LIFR: variants seen among roughly 807,000 people sequenced by gnomAD.
LIFR encodes the protein leukemia inhibitory factor receptor.
LIFR carries 84 observed loss-of-function variants against 122.2 expected under a neutral mutation model. The ratio of observed to expected loss-of-function variants is 0.69; its 90% confidence interval spans 0.58 to 0.82. LIFR has a LOEUF of 0.82. Among genes scored for constraint, LIFR ranks in the 40% least tolerant of loss-of-function variants. The pLI, the probability that LIFR is intolerant of heterozygous loss-of-function variation, is 0.00. For missense variants in LIFR, 1,294 were observed against 1,311.6 expected (o/e 0.99, Z 0.21); for synonymous variants, 422 against 434.7 (o/e 0.97, Z 0.36).
rs141550940 is a variant in LIFR at position 38,539,170 on chromosome 5, C to T, written c.-19-8504G>A. Among the ~76,000 whole-genome samples, 1,419 of 151,278 alleles carry T rather than the reference C, an allele frequency of 9.4e-3. 21 individuals carry two copies. Among genetic ancestry groups the T allele is most frequent in the African/African-American group, 0.031 (1,265 of 41,416 alleles). ...GAGAGACGGGGTTTCACCGTGGTCT[C>T]GATCTCCTGACCTAGTGATCCGCCT... On this transcript the variant is annotated intron_variant, in intron 1 of 19. Coordinates refer to ENST00000453190, the MANE Select transcript of LIFR (RefSeq NM_001127671.2).
chr5:38,511,641 A>G, intron 6 of LIFR, 149 bp downstream of exon 6: 1 of 706,178 alleles, frequency 1.4e-6, no homozygotes, highest in Non-Finnish European at 2.4e-6. Context: ...TTTGATCAAA[A>G]TCTCCAGGGA....
exon 1 of LIFR, chr5:38,608,256 G>GAACA (rs1750372506): frequency 3.3e-5 from 5 of 151,906 alleles, no homozygotes; most frequent in African/African-American, 1.2e-4. Flanking sequence ...CATGTTCTTT[G>GAACA]GGTTTCCTGC....
intron 1 of LIFR, among the ~76,000 whole-genome samples, chr5:38,579,993 T>C (rs1278119820): frequency 6.6e-6 from 1 of 152,202 alleles, no homozygotes; most frequent in East Asian, 1.9e-4. Flanking sequence ...TTTAAATCCT[T>C]CTCATTACTA....
intron 1 of LIFR, among the ~76,000 whole-genome samples, chr5:38,566,670 T>C (rs933086760): frequency 1.3e-5 from 2 of 152,156 alleles, no homozygotes; most frequent in African/African-American, 2.4e-5. Flanking sequence ...CATAATGTAA[T>C]GTAATAATAT....
chr5:38,511,421 C>T (rs943881521), intron 6 of LIFR, among the ~76,000 whole-genome samples: 2 of 151,758 alleles, frequency 1.3e-5, no homozygotes, highest in African/African-American at 4.8e-5. Flanking sequence ...CTGGCAATAA[C>T]TATGCAGCCT....
intron 7 of LIFR, among the ~76,000 whole-genome samples, chr5:38,508,754 T>C: frequency 1.4e-5 from 1 of 73,488 alleles, no homozygotes; most frequent in South Asian, 3.8e-4. Context: ...TTTTTTTGTA[T>C]TTTCTTTTTT....
At chr5:38,520,156 T>C (rs1399888400) in intron 5 of LIFR, among the ~76,000 whole-genome samples, 5 of 152,176 alleles carry the variant, frequency 3.3e-5, no homozygotes, top group African/African-American at 9.6e-5. Flanking sequence ...TTTTTAATAA[T>C]AGCCATTCTA....
At chr5:38,500,542 T>C in intron 11 of LIFR, among the ~76,000 whole-genome samples, 1 of 152,222 alleles carries the variant, frequency 6.6e-6, no homozygotes, top group East Asian at 1.9e-4. Flanking sequence ...TGTTAAGTAC[T>C]TAAGTGTGGA....
upstream of LIFR, among the ~76,000 whole-genome samples, chr5:38,597,910 G>T (rs765264343): frequency 2.0e-5 from 3 of 152,124 alleles, no homozygotes; most frequent in Admixed American, 1.3e-4. Context: ...TATGCATAAA[G>T]CACATACAGT....
intron 2 of LIFR, among the ~76,000 whole-genome samples, chr5:38,600,495 T>C (rs1750202739): frequency 6.6e-6 from 1 of 152,236 alleles, no homozygotes; most frequent in African/African-American, 2.4e-5. Flanking sequence ...TGCCTATAAC[T>C]TCTGCATTGC....
At chr5:38,586,128 T>C (rs1463614957) in intron 1 of LIFR, among the ~76,000 whole-genome samples, 1 of 152,194 alleles carries the variant, frequency 6.6e-6, no homozygotes, top group Non-Finnish European at 1.5e-5. Flanking sequence ...TTTCCTTTTT[T>C]CTTTTCTTTC....
chr5:38,592,928 G>C (rs985369570), intron 1 of LIFR, among the ~76,000 whole-genome samples: 2 of 152,018 alleles, frequency 1.3e-5, no homozygotes, highest in Non-Finnish European at 2.9e-5. Flanking sequence ...GGAGCAGCTG[G>C]GCGTGGTGGC....
chr5:38,516,005 A>G (rs1375186941), intron 5 of LIFR, among the ~76,000 whole-genome samples: 2 of 152,240 alleles, frequency 1.3e-5, no homozygotes, highest in Non-Finnish European at 2.9e-5. Flanking sequence ...ACTGACATTA[A>G]TAACGTACTA....
At position 38,484,875 on chromosome 5, in the gene LIFR, C is replaced by T. The variant is rs113078097; in HGVS notation, c.2498-7G>A. The T allele has an allele frequency of 5.2e-4, 827 of 1,595,822 alleles. 2 individuals carry two copies. In the African/African-American group the frequency reaches 9.2e-3, roughly 18 times the overall value. On this transcript the variant is annotated splice_region_variant and splice_polypyrimidine_tract_variant and intron_variant, in intron 17 of 19. Coordinates refer to ENST00000453190, the MANE Select transcript of LIFR (RefSeq NM_001127671.2). The stretch of plus-strand genomic sequence containing the variant: ...GCAATAATTAATCCCACAGCTGAAA[C>T]GAGAGTATTGCAAATATTAAAATCG...
intron 7 of LIFR, among the ~76,000 whole-genome samples, chr5:38,508,540 T>C (rs1487738962): frequency 2.6e-5 from 4 of 151,870 alleles, no homozygotes; most frequent in Non-Finnish European, 4.4e-5. Context: ...CGCAGACGTG[T>C]GTGTAGGGAA....
upstream of LIFR, among the ~76,000 whole-genome samples, chr5:38,596,403 C>G (rs1580248645): frequency 6.6e-6 from 1 of 152,176 alleles, no homozygotes; most frequent in East Asian, 1.9e-4. Flanking sequence ...CAAACTTTAG[C>G]AAGCATGAGA....
At chr5:38,496,348 C>T (rs764533790) in intron 13 of LIFR, 34 bp downstream of exon 13, 30 of 1,489,802 alleles carry the variant, frequency 2.0e-5, no homozygotes, top group South Asian at 3.4e-5. Flanking sequence ...TTTAGTTTCC[C>T]GTTCTTATAT....
At chr5:38,600,314 G>A (rs1035874655), upstream of LIFR, among the ~76,000 whole-genome samples, 2 of 152,192 alleles carry the variant, frequency 1.3e-5, no homozygotes, top group Non-Finnish European at 2.9e-5. Context: ...TCTTCTGAGG[G>A]CTGTATCTTG....
Position 38,494,740 on chromosome 5 carries a change from T to C in LIFR, c.1886-955A>G, listed in dbSNP as rs73077466. Among the ~76,000 whole-genome samples the C allele has an allele frequency of 0.018, 2,789 of 152,212 alleles. 200 individuals are homozygous for C. In the East Asian group the frequency reaches 0.25, roughly 14 times the overall value. On this transcript the variant is annotated intron_variant, in intron 13 of 19. Transcript: ENST00000453190. ...TAAGAATAAATTTTTAGACGAGTAATTGTCGCAGGAGCCAGATGCTCAGGA... is the reference window on the plus strand; with the variant it reads ...TAAGAATAAATTTTTAGACGAGTAACTGTCGCAGGAGCCAGATGCTCAGGA...
Sources: allele counts gnomAD v4.1 joint callset (sites outside exome capture counted in the v4.1 genomes callset), GRCh38; gene constraint gnomAD v4.1.1; transcripts MANE v1.5; gene names NCBI Gene and HGNC (gene_info 2026-07-23, HGNC 2026-07-21).